Variants in FAM228A observed in about 807,000 individuals in gnomAD.
FAM228A encodes the protein family with sequence similarity 228 member A, also known as protein FAM228A.
In FAM228A, 13 loss-of-function variants were observed where a neutral mutation model predicts 18.6. That is an observed-to-expected ratio of 0.70 (90% CI 0.45 to 1.11). The LOEUF (loss-of-function observed/expected upper bound fraction) is 1.11. Ranked by LOEUF, FAM228A falls within the 50% of genes least tolerant of loss-of-function variation. The pLI is 0.00. For synonymous variants in FAM228A, 77 were observed against 86.6 expected (o/e 0.89, Z 0.61); for missense variants, 240 against 242.2 (o/e 0.99, Z 0.06).
At chr2:24,177,403 G>T (rs930965812) in intron 2 of FAM228A, among the ~76,000 whole-genome samples, 1 of 152,180 alleles carries the variant, frequency 6.6e-6, no homozygotes, top group Non-Finnish European at 1.5e-5. Context: ...TTATACCACT[G>T]CCCTGCAGCC....
intron 3 of FAM228A, among the ~76,000 whole-genome samples, chr2:24,180,646 A>C (rs995982715): frequency 3.9e-5 from 6 of 152,236 alleles, no homozygotes; most frequent in African/African-American, 1.4e-4. Context: ...TAGAAATGGC[A>C]TGTGTTGAAG....
At chr2:24,182,056 C>T (rs566544751) in intron 3 of FAM228A, among the ~76,000 whole-genome samples, 40 of 152,014 alleles carry the variant, frequency 2.6e-4, no homozygotes, top group Non-Finnish European at 5.1e-4. Context: ...GATTATGGGA[C>T]GTGGGAGGGA....
intron 2 of FAM228A, among the ~76,000 whole-genome samples, chr2:24,177,231 G>A (rs974863306): frequency 1.3e-5 from 2 of 152,238 alleles, no homozygotes; most frequent in Non-Finnish European, 2.9e-5. Flanking sequence ...CTTGAGGTCA[G>A]GAGTTCGAGA....
intron 3 of FAM228A, among the ~76,000 whole-genome samples, chr2:24,182,256 A>T (rs562652630): frequency 6.6e-5 from 10 of 152,312 alleles, no homozygotes; most frequent in African/African-American, 1.7e-4. Flanking sequence ...TTAATTTTTT[A>T]AAAAATATGT....
rs1667652313 is a variant in FAM228A at position 24,175,295 on chromosome 2, G to C, written c.-15+121G>C. Reference sequence around the variant, plus strand: ...TTGGCCCGAGGACGACACGGGAGTGGGTAGCCGGGCCTGTTGAAGCGCCTA... The same window carrying C: ...TTGGCCCGAGGACGACACGGGAGTGCGTAGCCGGGCCTGTTGAAGCGCCTA... On this transcript the variant is annotated intron_variant, in intron 1 of 5. Transcript: ENST00000295150. 3.2e-5 allele frequency: 19 copies of C among 602,838 alleles called. No homozygotes were observed. In the Admixed American group the frequency reaches 4.4e-4, roughly 14 times the overall value. The allele number at this position is 602,838 out of a possible 1,614,324, so 37.3% of individuals were successfully genotyped here. A position where few individuals can be genotyped will look rare whatever the true frequency, so the allele number is the denominator to read the frequency against.
rs777856709 is a variant in FAM228A at position 24,190,457 on chromosome 2, G to C, written c.447G>C (p.Glu149Asp). ...CAGACAAGAAACAGAAAAGAAAAGA[G>C]AAAAAGACGGCCGACCTAAGTCAGG... The part of the protein sequence containing the change: ...IYADKKQKRK[E>D]KKTADLSQAA... The change falls in exon 6 of 6, where the codon GAG (glutamate) becomes GAC (aspartate). Residue 149 changes from glutamate (E) to aspartate (D), a missense_variant. Transcript: ENST00000295150. 1 of 1,613,980 alleles carries C rather than the reference G, an allele frequency of 6.2e-7. No homozygotes were observed.
At chr2:24,175,781 C>A in intron 2 of FAM228A, 1 of 831,398 alleles carries the variant, frequency 1.2e-6, no homozygotes, top group South Asian at 1.9e-5. Context: ...GGCGCACCGA[C>A]GGGGGCGGGC....
In FAM228A at chr2:24,175,058, C is replaced by T. The variant is rs1469863353; in HGVS notation, c.-131C>T. The T allele has an allele frequency of 6.2e-6, 1 of 162,356 alleles. No homozygotes were observed. The highest frequency in any genetic ancestry group is 2.4e-5 in the African/African-American group (1 of 41,524). The allele number at this position is 162,356 out of a possible 1,614,324, so 10.1% of individuals were successfully genotyped here. ...CCCGGGATCTGGCGTGGCGCATGCG[C>T]CCCGACGCTCGGGCCCGCGGGCTCC... is the stretch of plus-strand genomic sequence containing the variant. On this transcript the variant is annotated 5_prime_UTR_variant, in exon 1 of 6. Transcript: ENST00000295150.
chr2:24,188,597 C>A (rs1285546347), intron 5 of FAM228A: 4 of 985,222 alleles, frequency 4.1e-6, no homozygotes, highest in Non-Finnish European at 4.8e-6. Flanking sequence ...CAAAAATCCA[C>A]CAAAGATGCT....
At chr2:24,176,434 T>C (rs1414627901) in intron 2 of FAM228A, among the ~76,000 whole-genome samples, 1 of 152,174 alleles carries the variant, frequency 6.6e-6, no homozygotes, top group African/African-American at 2.4e-5. Flanking sequence ...CTCTGTAACC[T>C]CAGACTCCTG....
chr2:24,180,769 CAG>C (rs1251646996), intron 3 of FAM228A, among the ~76,000 whole-genome samples: 1 of 152,164 alleles, frequency 6.6e-6, no homozygotes, highest in Non-Finnish European at 1.5e-5. Context: ...TGGGAAGCAT[CAG>C]AGTCTTGGTC....
intron 2 of FAM228A, among the ~76,000 whole-genome samples, chr2:24,177,163 G>C (rs1667711965): frequency 6.6e-6 from 1 of 152,218 alleles, no homozygotes; most frequent in Admixed American, 6.5e-5. Context: ...CTACTAGCTG[G>C]GTGGGGTGGC....
intron 2 of FAM228A, among the ~76,000 whole-genome samples, chr2:24,176,754 AAAG>A (rs774540108): frequency 5.3e-5 from 8 of 152,248 alleles, no homozygotes; most frequent in Non-Finnish European, 8.8e-5. Context: ...GGCAGAATAG[AAAG>A]AAGAATCAGA....
chr2:24,180,037 ATTTTT>A (rs770327703), intron 3 of FAM228A, among the ~76,000 whole-genome samples: 2 of 151,620 alleles, frequency 1.3e-5, no homozygotes, highest in Non-Finnish European at 2.9e-5. Context: ...TAATTTAGAG[ATTTTT>A]TTTTATTTTG....
At chr2:24,180,074 GTCTC>G (rs973826502) in intron 3 of FAM228A, among the ~76,000 whole-genome samples, 3 of 151,960 alleles carry the variant, frequency 2.0e-5, no homozygotes, top group Non-Finnish European at 2.9e-5. Context: ...CAGAATTTGG[GTCTC>G]TCTATTTGCA....
chr2:24,191,538 C>T lies in FAM228A; in HGVS notation c.*907C>T, dbSNP rs374254143. 26 of 967,558 alleles carry T rather than the reference C, an allele frequency of 2.7e-5. No homozygotes were observed. In the East Asian group the frequency reaches 1.7e-3, roughly 64 times the overall value. 59.9% of individuals were successfully genotyped at this position (967,558 alleles called of 1,614,324 possible). On this transcript the variant is annotated 3_prime_UTR_variant, in exon 6 of 6. Coordinates refer to ENST00000295150, the MANE Select transcript of FAM228A (RefSeq NM_001040710.3). ...GTATTTTTCAAATATTCAAGATGTA[C>T]AACGTGATGATTTGCTATAGGTATT...
rs2151051246 is a variant in FAM228A, at chr2:24,191,615, C to T, written c.*984C>T. 2.2e-6 allele frequency: 1 copy of T among 462,898 alleles called. No homozygotes were observed. Among genetic ancestry groups the T allele is most frequent in the Admixed American group, 6.4e-5 (1 of 15,658 alleles). 28.7% of individuals were successfully genotyped at this position (462,898 alleles called of 1,614,324 possible). A position where few individuals can be genotyped will look rare whatever the true frequency, so the allele number is the denominator to read the frequency against. On this transcript the variant is annotated 3_prime_UTR_variant, in exon 6 of 6. Transcript: ENST00000295150. ...GCTTGTTGACATACCCACCAGCTCA[C>T]ATTTACTGTTTTCGTGTGTGTGGTG... is the stretch of plus-strand genomic sequence containing the variant.
chr2:24,182,999 T>C (rs190353423), intron 3 of FAM228A, among the ~76,000 whole-genome samples: 4 of 152,240 alleles, frequency 2.6e-5, no homozygotes, highest in Admixed American at 6.5e-5. Flanking sequence ...AGGTCAGATT[T>C]TATTTATTTA....
In FAM228A at chr2:24,186,779, T is replaced by C. The variant is rs1248909832; in HGVS notation, c.401+3134T>C. Among the ~76,000 whole-genome samples the C allele has an allele frequency of 2.6e-5, 4 of 151,936 alleles. 1 individual carries two copies. The highest frequency in any genetic ancestry group is 1.3e-4 in the Admixed American group (2 of 15,248). ...TCAGCCTCCTGAGTAGCTGGGATTATAGGCGCCCACCACCACACCTGGCTA... is the reference window on the plus strand; with the variant it reads ...TCAGCCTCCTGAGTAGCTGGGATTACAGGCGCCCACCACCACACCTGGCTA... On this transcript the variant is annotated intron_variant, in intron 5 of 5. Transcript: ENST00000295150.
Sources: allele counts gnomAD v4.1 joint callset (sites outside exome capture counted in the v4.1 genomes callset), GRCh38; gene constraint gnomAD v4.1.1; transcripts MANE v1.5; gene names NCBI Gene and HGNC (gene_info 2026-07-23, HGNC 2026-07-21).